PDGFD: variants seen among roughly 807,000 people sequenced by gnomAD.
PDGFD encodes platelet derived growth factor D.
In PDGFD, 30 loss-of-function variants were observed where a neutral mutation model predicts 44.7. That is an observed-to-expected ratio of 0.67 (90% CI 0.50 to 0.91). The LOEUF is 0.91. PDGFD is among the 40% of genes least tolerant of loss of function. The pLI is 0.00. For missense variants in PDGFD, 445 were observed against 457.8 expected (o/e 0.97, Z 0.25); for synonymous variants, 173 against 168.4 (o/e 1.03, Z -0.21).
chr11:104,050,512 T>C (rs1435503372), intron 1 of PDGFD, among the ~76,000 whole-genome samples: 4 of 152,118 alleles, frequency 2.6e-5, no homozygotes, highest in African/African-American at 4.8e-5. Context: ...CCAGATAAGA[T>C]AATTTTGGTT....
At chr11:103,990,966 C>T (rs1191996971) in intron 3 of PDGFD, among the ~76,000 whole-genome samples, 1 of 151,822 alleles carries the variant, frequency 6.6e-6, no homozygotes, top group Non-Finnish European at 1.5e-5. Flanking sequence ...GGTGAAACCC[C>T]GTCTCTACTA....
intron 2 of PDGFD, among the ~76,000 whole-genome samples, chr11:103,996,691 T>C (rs1859537932): frequency 6.6e-6 from 1 of 152,248 alleles, no homozygotes; most frequent in Non-Finnish European, 1.5e-5. Context: ...GTAAATGACC[T>C]ATATCTATAT....
chr11:104,109,352 A>G (rs867815904), intron 1 of PDGFD, among the ~76,000 whole-genome samples: 2 of 152,156 alleles, frequency 1.3e-5, no homozygotes, highest in East Asian at 1.9e-4. Flanking sequence ...CTCTTCATCC[A>G]TAAGTTAGGC....
chr11:104,164,042 G>C lies in PDGFD; in HGVS notation c.-115C>G. 8.3e-7 allele frequency: 1 copy of C among 1,211,878 alleles called. No homozygotes were observed. Among genetic ancestry groups the C allele is most frequent in the Non-Finnish European group, 1.1e-6 (1 of 907,210 alleles). The allele number at this position is 1,211,878 out of a possible 1,614,324, so 75.1% of individuals were successfully genotyped here. A position where few individuals can be genotyped will look rare whatever the true frequency, so the allele number is the denominator to read the frequency against. ...GCCTGCGCTCGCCCTGCGCTGGCCCGGGTCGCTGTGCTAATCGCCGAGCTC... is the reference window on the plus strand; with the variant it reads ...GCCTGCGCTCGCCCTGCGCTGGCCCCGGTCGCTGTGCTAATCGCCGAGCTC... On this transcript the variant is annotated 5_prime_UTR_variant, in exon 1 of 7. Coordinates refer to ENST00000393158, the MANE Select transcript of PDGFD (RefSeq NM_025208.5).
intron 6 of PDGFD, among the ~76,000 whole-genome samples, chr11:103,916,230 TAAAC>T (rs1310513295): frequency 1.3e-5 from 2 of 152,112 alleles, no homozygotes; most frequent in East Asian, 3.9e-4. Flanking sequence ...ACGAAGAACT[TAAAC>T]AAATTTACAA....
chr11:104,012,697 G>A (rs1859801124), intron 1 of PDGFD, among the ~76,000 whole-genome samples: 1 of 152,196 alleles, frequency 6.6e-6, no homozygotes, highest in African/African-American at 2.4e-5. Flanking sequence ...AAATCTTAGT[G>A]GTTTTAAAGT....
rs575945236 is a variant in PDGFD, at chr11:104,028,231, T to A, written c.125-27976A>T. On this transcript the variant is annotated intron_variant, in intron 1 of 6. Coordinates refer to ENST00000393158, the MANE Select transcript of PDGFD (RefSeq NM_025208.5). ...AAAAAGCATAGCATGGATTCCTTTT[T>A]CTTAGGAAGGCAACTTGTATTTAGG... is the stretch of plus-strand genomic sequence containing the variant. Among the ~76,000 whole-genome samples the A allele has an allele frequency of 2.0e-5, 3 of 151,636 alleles. No individual in the cohort carries two copies. In the South Asian group the frequency reaches 6.2e-4, roughly 32 times the overall value.
At chr11:104,075,055 A>C (rs575329690) in intron 1 of PDGFD, among the ~76,000 whole-genome samples, 1 of 152,362 alleles carries the variant, frequency 6.6e-6, no homozygotes, top group East Asian at 1.9e-4. Context: ...AATATGCAAC[A>C]TATACTGACT....
intron 1 of PDGFD, among the ~76,000 whole-genome samples, chr11:104,116,966 T>G (rs756799082): frequency 5.3e-5 from 8 of 151,990 alleles, no homozygotes; most frequent in Non-Finnish European, 8.8e-5. Context: ...ATTAAACCTC[T>G]TTTTCTTCCC....
intron 1 of PDGFD, among the ~76,000 whole-genome samples, chr11:104,153,062 G>A (rs1194957305): frequency 6.6e-6 from 1 of 152,064 alleles, no homozygotes; most frequent in African/African-American, 2.4e-5. Flanking sequence ...AGCTCCTAAA[G>A]CTTAAAGTGT....
intron 1 of PDGFD, among the ~76,000 whole-genome samples, chr11:104,113,310 G>T (rs1481217527): frequency 6.6e-6 from 1 of 152,114 alleles, no homozygotes; most frequent in East Asian, 1.9e-4. Flanking sequence ...CCTACCTACA[G>T]AGAGCTTACT....
intron 1 of PDGFD, among the ~76,000 whole-genome samples, chr11:104,121,436 G>T (rs574481789): frequency 6.6e-6 from 1 of 151,926 alleles, no homozygotes; most frequent in African/African-American, 2.4e-5. Flanking sequence ...ATATCATAGA[G>T]GTCAACTGGT....
chr11:104,064,645 G>A (rs1860762136), intron 1 of PDGFD, among the ~76,000 whole-genome samples: 1 of 152,050 alleles, frequency 6.6e-6, no homozygotes, highest in African/African-American at 2.4e-5. Context: ...AAGGAGGAAG[G>A]AAGGGAGACC....
At chr11:104,147,388 A>T (rs1218408620) in intron 1 of PDGFD, among the ~76,000 whole-genome samples, 1 of 152,214 alleles carries the variant, frequency 6.6e-6, no homozygotes, top group Non-Finnish European at 1.5e-5. Flanking sequence ...AAGGAAACAT[A>T]GGATACCCTT....
chr11:104,037,731 T>G, intron 1 of PDGFD: 1 of 1,614,142 alleles, frequency 6.2e-7, no homozygotes. Flanking sequence ...GCCGTGTTCA[T>G]CTAGCTCAGA....
chr11:103,914,663 C>A (rs7108459), intron 6 of PDGFD, among the ~76,000 whole-genome samples: 69,618 of 151,952 alleles, frequency 0.46, 16,067 homozygotes, highest in South Asian at 0.49. Context: ...ATTTCAGGCC[C>A]ATATCCCTGA....
chr11:103,960,516 G>A (rs1858919262), intron 3 of PDGFD, among the ~76,000 whole-genome samples: 1 of 152,196 alleles, frequency 6.6e-6, no homozygotes, highest in Non-Finnish European at 1.5e-5. Flanking sequence ...ACCAAAGTAT[G>A]TAAGTCATTG....
intron 1 of PDGFD, among the ~76,000 whole-genome samples, chr11:104,042,022 T>C (rs545671707): frequency 2.0e-5 from 3 of 152,332 alleles, no homozygotes; most frequent in South Asian, 2.1e-4. Flanking sequence ...TATGCAATTA[T>C]ATTAATCAGT....
At chr11:104,117,588 A>C (rs916792219) in intron 1 of PDGFD, among the ~76,000 whole-genome samples, 8 of 152,022 alleles carry the variant, frequency 5.3e-5, no homozygotes, top group African/African-American at 1.7e-4. Context: ...TACACCAAAA[A>C]GCGACCAAGC....
Sources: gnomAD v4.1 joint callset for allele counts (sites outside exome capture counted in the v4.1 genomes callset) on GRCh38, gnomAD v4.1.1 for gene constraint, MANE v1.5 for transcripts, NCBI Gene and HGNC (gene_info 2026-07-23, HGNC 2026-07-21) for gene names.